Variants in ACOT1 observed in about 807,000 individuals in gnomAD.
ACOT1 encodes the protein acyl-CoA thioesterase 1.
Under a neutral mutation model 15.7 loss-of-function variants are expected in ACOT1, and 8 were observed. The observed-to-expected ratio is 0.51, with a 90% CI of 0.30 to 0.92. The LOEUF (loss-of-function observed/expected upper bound fraction) is 0.92. Ranked by LOEUF, ACOT1 falls within the 40% of genes least tolerant of loss-of-function variation. ACOT1 has a pLI of 0.06. For synonymous variants in ACOT1, 67 were observed against 241.2 expected, an observed-to-expected ratio of 0.28 and a Z score of 6.69; for missense variants, 151 against 539.4, an observed-to-expected ratio of 0.28 and a Z score of 7.13.
At chr14:73,529,225 C>T in the ACOT1 span, 1 of 152,122 alleles carries the variant, frequency 6.6e-6, no homozygotes, top group Non-Finnish European at 1.5e-5. Flanking sequence ...CGCAGTGGTA[C>T]ATGTCTGTAA....
At chr14:73,501,669 G>A in the ACOT1 span, among the ~76,000 whole-genome samples, 1 of 149,714 alleles carries the variant, frequency 6.7e-6, no homozygotes, top group Non-Finnish European at 1.5e-5. Context: ...GGACTTCCTG[G>A]ACCCAGGCAG....
chr14:73,498,186 G>T, the ACOT1 span: 1 of 1,613,316 alleles, frequency 6.2e-7, no homozygotes. Context: ...TCCAGGAGCA[G>T]CACGTCTAGG....
At chr14:73,522,865 G>C in the ACOT1 span, 1 of 1,614,088 alleles carries the variant, frequency 6.2e-7, no homozygotes, top group East Asian at 2.2e-5. Context: ...TGGTATTGTA[G>C]AGGTGGTCAA....
the ACOT1 span, chr14:73,527,099 T>C: frequency 4.6e-5 from 7 of 152,150 alleles, no homozygotes; most frequent in Non-Finnish European, 8.8e-5. Flanking sequence ...CACCCCCTGG[T>C]ATACATCAGC....
chr14:73,501,077 G>A, the ACOT1 span, among the ~76,000 whole-genome samples: 129 of 152,270 alleles, frequency 8.5e-4, no homozygotes, highest in Non-Finnish European at 1.6e-3. Context: ...AGCCTGGAAT[G>A]CCTATGCAGT....
At chr14:73,490,996 G>A in the ACOT1 span, 1 of 1,359,290 alleles carries the variant, frequency 7.4e-7, no homozygotes, top group Non-Finnish European at 9.5e-7. Flanking sequence ...GGCCGGGCGG[G>A]GAAGACTGGT....
the ACOT1 span, chr14:73,493,129 G>A: frequency 1.9e-6 from 3 of 1,611,228 alleles, no homozygotes; most frequent in Non-Finnish European, 2.5e-6. Flanking sequence ...TCTCATCTAG[G>A]TACAAAAGGA....
the ACOT1 span, among the ~76,000 whole-genome samples, chr14:73,523,454 C>T: frequency 1.3e-5 from 2 of 152,190 alleles, no homozygotes; most frequent in African/African-American, 2.4e-5. Flanking sequence ...CCCTCATCTC[C>T]GTGTGAGGGA....
chr14:73,496,592 C>T, the ACOT1 span: 1 of 1,572,314 alleles, frequency 6.4e-7, no homozygotes, highest in South Asian at 1.1e-5. Context: ...AGAGCTTGCA[C>T]TTATTTACCC....
chr14:73,513,229 C>T, the ACOT1 span, among the ~76,000 whole-genome samples: 1 of 152,158 alleles, frequency 6.6e-6, no homozygotes, highest in African/African-American at 2.4e-5. Flanking sequence ...GAGGCCAAGG[C>T]GGGGAGATCA....
the ACOT1 span, chr14:73,492,620 C>G: frequency 1.2e-6 from 2 of 1,613,708 alleles, no homozygotes; most frequent in African/African-American, 2.7e-5. The surrounding 1 kb of genome is among the most constrained non-coding windows in gnomAD (Gnocchi z 4.9). Flanking sequence ...GGCTGGAGAA[C>G]CTGTAAACGT....
Position 73,542,821 on chromosome 14 carries a change from A to G in ACOT1, c.661-229A>G, listed in dbSNP as rs551276440. Among the ~76,000 whole-genome samples, 3 of 112,390 alleles carry G rather than the reference A, an allele frequency of 2.7e-5. 1 individual carries two copies. The highest frequency in any genetic ancestry group is 5.7e-5 in the Non-Finnish European group (3 of 52,442). The allele number at this position is 112,390 out of a possible 152,430, so 73.7% of individuals were successfully genotyped here. On this transcript the variant is annotated intron_variant, in intron 2 of 2. Transcript: ENST00000311148. ...GATAATGAGATTAAGGAACTGAGAAACCAGAGTAATTGATAGATCTTCCAC... is the reference window on the plus strand; with the variant it reads ...GATAATGAGATTAAGGAACTGAGAAGCCAGAGTAATTGATAGATCTTCCAC...
the ACOT1 span, chr14:73,503,055 T>A: frequency 7.0e-7 from 1 of 1,430,934 alleles, no homozygotes; most frequent in Non-Finnish European, 9.8e-7. Flanking sequence ...ACTTAATGAA[T>A]GTTAATTTTG....
chr14:73,527,442 T>C, the ACOT1 span: 1 of 150,748 alleles, frequency 6.6e-6, no homozygotes, highest in Non-Finnish European at 1.5e-5. Flanking sequence ...TATCAGAAAT[T>C]TCAAAAAGAG....
At chr14:73,504,728 T>C in the ACOT1 span, among the ~76,000 whole-genome samples, 1 of 152,100 alleles carries the variant, frequency 6.6e-6, no homozygotes, top group Non-Finnish European at 1.5e-5. Context: ...AGAGTGGAGG[T>C]TGTTCACTTA....
the ACOT1 span, among the ~76,000 whole-genome samples, chr14:73,509,866 A>ATATATATATATTTATATATTTATATATT: frequency 1.5e-5 from 1 of 67,524 alleles, no homozygotes; most frequent in African/African-American, 6.3e-5. Context: ...ATATATATAT[A>ATATATATATATTTATATATTTATATATT]TATTTATTTA....
the ACOT1 span, chr14:73,491,351 G>T: frequency 3.5e-6 from 5 of 1,435,160 alleles, no homozygotes; most frequent in Non-Finnish European, 4.6e-6. Flanking sequence ...CTCGCCCGCC[G>T]CGCGCTCCCT....
the ACOT1 span, among the ~76,000 whole-genome samples, chr14:73,518,043 G>A: frequency 3.3e-5 from 5 of 152,124 alleles, no homozygotes; most frequent in East Asian, 1.9e-4. Flanking sequence ...CCGAGATCAC[G>A]CCACCGCACT....
the ACOT1 span, chr14:73,508,245 A>G: frequency 6.2e-7 from 1 of 1,613,866 alleles, no homozygotes; most frequent in Non-Finnish European, 8.5e-7. Context: ...AAGTAGCAGT[A>G]CCTTCCAGAG....
Sources: gnomAD v4.1 joint callset for allele counts (sites outside exome capture counted in the v4.1 genomes callset) on GRCh38, gnomAD v4.1.1 for gene constraint, Gnocchi (gnomAD v3.1) non-coding constraint, MANE v1.5 for transcripts, NCBI Gene and HGNC (gene_info 2026-07-23, HGNC 2026-07-21) for gene names.